CYRIB: variants seen among roughly 807,000 people sequenced by gnomAD.
CYRIB encodes CYFIP-related Rac1 interactor B.
A neutral mutation model predicts 44.2 loss-of-function variants in CYRIB; 8 were observed. The observed-to-expected ratio is 0.18, with a 90% CI of 0.11 to 0.33. The LOEUF (loss-of-function observed/expected upper bound fraction) is 0.33, where lower values mean the gene tolerates loss of function less well. Among genes scored for constraint, CYRIB ranks in the 10% least tolerant of loss-of-function variants. CYRIB has a pLI of 1.00. For missense variants in CYRIB, 185 were observed against 382.8 expected, an observed-to-expected ratio of 0.48 and a Z score of 4.31; for synonymous variants, 131 against 127.2, an observed-to-expected ratio of 1.03 and a Z score of -0.20.
At chr8:129,978,135 T>G (rs2096041090) in intron 1 of CYRIB, among the ~76,000 whole-genome samples, 1 of 152,088 alleles carries the variant, frequency 6.6e-6, no homozygotes, top group Admixed American at 6.6e-5. Flanking sequence ...CCCAGGTCAA[T>G]CTTGCACTCC....
intron 1 of CYRIB, among the ~76,000 whole-genome samples, chr8:130,015,092 A>G (rs874617): frequency 0.45 from 68,921 of 152,048 alleles, 16,386 homozygotes; most frequent in East Asian, 0.6. Context: ...CAGTATTTTC[A>G]CAAGATGGTC....
At chr8:129,934,778 T>G (rs2092466897) in intron 1 of CYRIB, among the ~76,000 whole-genome samples, 1 of 152,140 alleles carries the variant, frequency 6.6e-6, no homozygotes, top group African/African-American at 2.4e-5. Flanking sequence ...ACCTTCATGA[T>G]TTTGCAGGAG....
chr8:129,894,129 A>T (rs1395686270), intron 2 of CYRIB, among the ~76,000 whole-genome samples: 1 of 152,200 alleles, frequency 6.6e-6, no homozygotes, highest in Non-Finnish European at 1.5e-5. Flanking sequence ...GTTATGCTTT[A>T]CACCTCCATA....
intron 1 of CYRIB, among the ~76,000 whole-genome samples, chr8:129,994,171 G>GAC (rs146607115): frequency 2.0e-5 from 3 of 152,004 alleles, no homozygotes; most frequent in African/African-American, 2.4e-5. Flanking sequence ...ACCACGTGAA[G>GAC]ACACACACAC....
In CYRIB at chr8:129,991,943, C is replaced by CAAAAAAAAAAAAAAA. The variant is rs35897320; in HGVS notation, c.-295-20963_-295-20949dup. ...TCCAGCCTGGGCAACAGCAGAGTCG[C>CAAAAAAAAAAAAAAA]AAAAAAAAAAAAAAAAAAAAAAAAA... On this transcript the variant is annotated intron_variant, in intron 1 of 14. Coordinates refer to the CYRIB transcript ENST00000401979. Among the ~76,000 whole-genome samples the CAAAAAAAAAAAAAAA allele has an allele frequency of 2.6e-4, 5 of 19,206 alleles. 1 individual carries two copies. The highest frequency in any genetic ancestry group is 5.6e-4 in the African/African-American group (3 of 5,388). 12.6% of individuals were successfully genotyped at this position (19,206 alleles called of 152,430 possible). A position where few individuals can be genotyped will look rare whatever the true frequency, so the allele number is the denominator to read the frequency against.
intron 1 of CYRIB, among the ~76,000 whole-genome samples, chr8:130,003,724 G>C (rs1229005448): frequency 3.3e-5 from 5 of 152,220 alleles, no homozygotes; most frequent in Non-Finnish European, 7.3e-5. Context: ...TTGGGACAAT[G>C]ATGAGTTTAT....
At chr8:129,918,572 A>C (rs1358037932) in intron 1 of CYRIB, among the ~76,000 whole-genome samples, 2 of 152,212 alleles carry the variant, frequency 1.3e-5, no homozygotes, top group Non-Finnish European at 2.9e-5. Context: ...GTGTGAGATA[A>C]AGGTATATTC....
intron 11 of CYRIB, among the ~76,000 whole-genome samples, chr8:129,845,577 G>A (rs901019058): frequency 2.0e-5 from 3 of 152,106 alleles, no homozygotes; most frequent in African/African-American, 2.4e-5. Flanking sequence ...GGCAGCTACC[G>A]CTTATGCAAC....
At chr8:130,011,588 C>T (rs113366452) in intron 1 of CYRIB, among the ~76,000 whole-genome samples, 13,382 of 151,606 alleles carry the variant, frequency 0.088, 676 homozygotes, top group African/African-American at 0.14. Context: ...GAGGCCGAGG[C>T]GGGCGGATCA....
intron 1 of CYRIB, among the ~76,000 whole-genome samples, chr8:129,913,260 C>A (rs377080597): frequency 5.3e-5 from 8 of 152,242 alleles, no homozygotes; most frequent in African/African-American, 1.9e-4. Context: ...CGTGAGCCAC[C>A]CCTGGAATCT....
chr8:129,999,217 G>T (rs545025795), intron 1 of CYRIB, among the ~76,000 whole-genome samples: 1 of 152,300 alleles, frequency 6.6e-6, no homozygotes, highest in South Asian at 2.1e-4. Context: ...ACACTCCTCT[G>T]AGAGAGCAGC....
exon 7 of CYRIB, chr8:129,854,305 A>G (rs2044942968): frequency 1.2e-6 from 2 of 1,611,386 alleles, no homozygotes; most frequent in Admixed American, 1.7e-5. Context: ...ATGTTCTTCT[A>G]TAATAGCTGA....
chr8:129,977,495 A>C (rs374571567), intron 1 of CYRIB, among the ~76,000 whole-genome samples: 2 of 152,098 alleles, frequency 1.3e-5, no homozygotes, highest in African/African-American at 4.8e-5. Flanking sequence ...GCCAATTCCC[A>C]TCCTATACTA....
At chr8:129,945,857 C>G (rs542786453) in intron 2 of CYRIB, among the ~76,000 whole-genome samples, 2 of 152,260 alleles carry the variant, frequency 1.3e-5, no homozygotes, top group South Asian at 2.1e-4. Flanking sequence ...CCACTGCACC[C>G]AGCTGTACCT....
At chr8:129,871,650 T>G (rs1301792835) in intron 3 of CYRIB, among the ~76,000 whole-genome samples, 154 bp from the exon 6 acceptor site, 1 of 152,216 alleles carries the variant, frequency 6.6e-6, no homozygotes, top group African/African-American at 2.4e-5. Context: ...TAATACTTTT[T>G]CCATAGTCCT....
At chr8:129,887,458 C>T (rs1057413392) in intron 2 of CYRIB, among the ~76,000 whole-genome samples, 1 of 152,200 alleles carries the variant, frequency 6.6e-6, no homozygotes. Flanking sequence ...TCTACTAGGA[C>T]AGTGCACTGG....
intron 1 of CYRIB, among the ~76,000 whole-genome samples, chr8:129,997,915 G>A (rs963096224): frequency 2.6e-5 from 4 of 152,028 alleles, no homozygotes; most frequent in African/African-American, 9.7e-5. Flanking sequence ...GAGGTCAAGA[G>A]ATCGAGACCA....
At chr8:129,981,991 T>C (rs1468963182) in intron 1 of CYRIB, among the ~76,000 whole-genome samples, 1 of 152,260 alleles carries the variant, frequency 6.6e-6, no homozygotes, top group Non-Finnish European at 1.5e-5. Context: ...TTCCTCTTTG[T>C]GTCCTGGTAC....
chr8:129,869,019 G>A (rs1345365984), intron 4 of CYRIB, among the ~76,000 whole-genome samples: 16 of 117,532 alleles, frequency 1.4e-4, no homozygotes, highest in Non-Finnish European at 2.1e-4. Flanking sequence ...CCAACAGAGC[G>A]AAACCCCATT....
Sources: gnomAD v4.1 joint callset for allele counts (sites outside exome capture counted in the v4.1 genomes callset) on GRCh38, gnomAD v4.1.1 for gene constraint, MANE v1.5 for transcripts, NCBI Gene and HGNC (gene_info 2026-07-23, HGNC 2026-07-21) for gene names.